COL25A1: variants seen among roughly 807,000 people sequenced by gnomAD.
The protein encoded by COL25A1 is collagen type XXV alpha 1 chain.
A neutral mutation model predicts 128.4 loss-of-function variants in COL25A1; 103 were observed. The observed-to-expected ratio is 0.80, with a 90% CI of 0.68 to 0.94. The LOEUF (loss-of-function observed/expected upper bound fraction) is 0.94, where lower values mean the gene tolerates loss of function less well. COL25A1 is among the 40% of genes least tolerant of loss of function. The probability of loss-of-function intolerance (pLI) is 0.00; values close to 1 mark genes in which losing one functional copy is unlikely to be tolerated. For synonymous variants in COL25A1, 279 were observed against 277.2 expected (o/e 1.01, Z -0.06); for missense variants, 745 against 840.0 (o/e 0.89, Z 1.40).
chr4:108,817,277 T>C lies in COL25A1; in HGVS notation c.1962+120A>G, dbSNP rs145316543. On this transcript the variant is annotated intron_variant, in intron 37 of 37. Transcript: ENST00000399132. Reference sequence around the variant, plus strand: ...CAGTAAATATACTGATCAAAAGATATTCTGGAGATGAAATCTTTTGCTTTT... The same window carrying C: ...CAGTAAATATACTGATCAAAAGATACTCTGGAGATGAAATCTTTTGCTTTT... The C allele has an allele frequency of 1.4e-4, 116 of 857,392 alleles. 1 individual carries two copies. In the African/African-American group the frequency reaches 1.6e-3, roughly 12 times the overall value. 53.1% of individuals were successfully genotyped at this position (857,392 alleles called of 1,614,324 possible).
chr4:108,966,584 C>T (rs950467030), intron 8 of COL25A1, among the ~76,000 whole-genome samples: 1 of 152,090 alleles, frequency 6.6e-6, no homozygotes, highest in Non-Finnish European at 1.5e-5. Flanking sequence ...CGCAGTGGCT[C>T]GCACCTGTAA....
intron 3 of COL25A1, among the ~76,000 whole-genome samples, chr4:109,206,260 T>G (rs1054033402): frequency 1.3e-5 from 2 of 152,168 alleles, no homozygotes; most frequent in African/African-American, 4.8e-5. Context: ...TTTTATCTAT[T>G]CAGAGAGAAA....
In COL25A1 at chr4:109,070,757, T is replaced by C. The variant is rs1347614297; in HGVS notation, c.368-20578A>G. On this transcript the variant is annotated intron_variant, in intron 3 of 37. Transcript: ENST00000399132. ...ATGTCCAAGTGTTCTCATTGTTCAA[T>C]TCCCAACTATGAGTGAGAACATGCG... 2.1e-5 allele frequency among the ~76,000 whole-genome samples: 3 copies of C among 144,018 alleles called. No homozygotes were observed. The Admixed American group carries it at 2.2e-4, about 11-fold the overall frequency. The allele number at this position is 144,018 out of a possible 152,430, so 94.5% of individuals were successfully genotyped here. A position where few individuals can be genotyped will look rare whatever the true frequency, so the allele number is the denominator to read the frequency against.
intron 25 of COL25A1, 31 bp downstream of exon 25, chr4:108,852,871 C>G: frequency 6.3e-7 from 1 of 1,598,030 alleles, no homozygotes; most frequent in African/African-American, 1.3e-5. Flanking sequence ...TACAAAACCA[C>G]AAACCACAGA....
chr4:108,840,117 CT>C, intron 31 of COL25A1, among the ~76,000 whole-genome samples: 2 of 151,786 alleles, frequency 1.3e-5, no homozygotes, highest in Non-Finnish European at 2.9e-5. Context: ...TGGTGGGTGC[CT>C]GTAATCCCAG....
intron 3 of COL25A1, among the ~76,000 whole-genome samples, chr4:109,164,665 T>C (rs1772900470): frequency 6.6e-6 from 1 of 152,190 alleles, no homozygotes; most frequent in Non-Finnish European, 1.5e-5. Flanking sequence ...AAAAGTCCTG[T>C]AGGGTGCATG....
At chr4:109,105,343 G>A (rs1341359326) in intron 3 of COL25A1, among the ~76,000 whole-genome samples, 2 of 151,986 alleles carry the variant, frequency 1.3e-5, no homozygotes, top group African/African-American at 4.8e-5. Flanking sequence ...GCATGGTGGT[G>A]CACACTTGTA....
At chr4:109,247,919 C>T (rs903955880) in intron 3 of COL25A1, among the ~76,000 whole-genome samples, 9 of 151,798 alleles carry the variant, frequency 5.9e-5, no homozygotes, top group South Asian at 4.2e-4. Flanking sequence ...AGAGAGATAA[C>T]AGAAAGAAGA....
chr4:109,254,471 A>ATC (rs1780919865), intron 3 of COL25A1, among the ~76,000 whole-genome samples: 1 of 80,562 alleles, frequency 1.2e-5, no homozygotes, highest in Non-Finnish European at 2.0e-5. Flanking sequence ...GCATATGTTT[A>ATC]TATATATATA....
At chr4:108,939,881 C>G (rs943166605) in intron 10 of COL25A1, among the ~76,000 whole-genome samples, 6 of 152,082 alleles carry the variant, frequency 3.9e-5, no homozygotes, top group African/African-American at 1.4e-4. Flanking sequence ...GACACTTGAC[C>G]AATCTTAGTA....
At chr4:108,883,938 A>G (rs555234523) in intron 19 of COL25A1, among the ~76,000 whole-genome samples, 1 of 152,298 alleles carries the variant, frequency 6.6e-6, no homozygotes, top group Non-Finnish European at 1.5e-5. Context: ...GGACATTTAC[A>G]TTTATTTAAG....
At chr4:108,962,756 G>A (rs1160283940) in intron 8 of COL25A1, among the ~76,000 whole-genome samples, 2 of 151,952 alleles carry the variant, frequency 1.3e-5, no homozygotes, top group African/African-American at 4.8e-5. Flanking sequence ...CTATGTTTGT[G>A]TTAAATAATT....
intron 3 of COL25A1, among the ~76,000 whole-genome samples, chr4:109,112,031 G>C (rs1767068528): frequency 6.6e-6 from 1 of 151,822 alleles, no homozygotes; most frequent in African/African-American, 2.4e-5. Flanking sequence ...CTGTTTGCCT[G>C]TTTTTCTTAG....
At position 108,912,144 on chromosome 4, in the gene COL25A1, T is replaced by G. The variant is rs567854502; in HGVS notation, c.780+6028A>C. ...AAGTAAAATTGAGTGAAAAATGTCT[T>G]TAAGAGTAGAGTAGCCTTGTGTATA... is the stretch of plus-strand genomic sequence containing the variant. On this transcript the variant is annotated intron_variant, in intron 13 of 37. Coordinates refer to ENST00000399132, the MANE Select transcript of COL25A1 (RefSeq NM_198721.4). 1.2e-4 allele frequency among the ~76,000 whole-genome samples: 19 copies of G among 152,280 alleles called. No homozygotes were observed. The South Asian group carries it at 3.7e-3, about 30-fold the overall frequency.
intron 8 of COL25A1, among the ~76,000 whole-genome samples, chr4:108,967,638 T>C (rs1159487731): frequency 6.6e-6 from 1 of 152,196 alleles, no homozygotes; most frequent in East Asian, 1.9e-4. Flanking sequence ...CTCAACTGCA[T>C]CCACTTTTCC....
chr4:109,246,116 A>G (rs542939468), intron 3 of COL25A1, among the ~76,000 whole-genome samples: 6 of 152,154 alleles, frequency 3.9e-5, no homozygotes, highest in Non-Finnish European at 7.4e-5. Context: ...AGACTTAAGC[A>G]TGAAAATAGA....
chr4:109,211,300 A>ATGAAAC lies in COL25A1; in HGVS notation c.367+89282_367+89283insGTTTCA, dbSNP rs1295322228. ...TATATATATATGAAACTATATATAT[A>ATGAAAC]TATATATATATATATATATATATAT... On this transcript the variant is annotated intron_variant, in intron 3 of 37. Transcript: ENST00000399132. 5.5e-4 allele frequency among the ~76,000 whole-genome samples: 26 copies of ATGAAAC among 47,262 alleles called. No homozygotes were observed. The South Asian group carries it at 0.01, about 18-fold the overall frequency. 31.0% of individuals were successfully genotyped at this position (47,262 alleles called of 152,430 possible).
intron 16 of COL25A1, among the ~76,000 whole-genome samples, chr4:108,891,018 G>A (rs1020689974): frequency 1.3e-5 from 2 of 152,156 alleles, no homozygotes; most frequent in Non-Finnish European, 2.9e-5. Context: ...TATGTTCCCT[G>A]CCTATTCATT....
intron 3 of COL25A1, among the ~76,000 whole-genome samples, chr4:109,188,923 G>T (rs932537630): frequency 4.6e-5 from 7 of 151,786 alleles, no homozygotes; most frequent in Admixed American, 3.3e-4. Flanking sequence ...TGTGTGTGTC[G>T]GTGGGGGTAG....
Sources: gnomAD v4.1 joint callset for allele counts (sites outside exome capture counted in the v4.1 genomes callset) on GRCh38, gnomAD v4.1.1 for gene constraint, MANE v1.5 for transcripts, NCBI Gene and HGNC (gene_info 2026-07-23, HGNC 2026-07-21) for gene names.